NPAS3: variants seen among roughly 807,000 people sequenced by gnomAD.
NPAS3 encodes the protein neuronal PAS domain protein 3, also known as neuronal PAS domain-containing protein 3.
NPAS3 carries 14 observed loss-of-function variants against 73.1 expected under a neutral mutation model. That is an observed-to-expected ratio of 0.19 (90% CI 0.13 to 0.30). NPAS3 has a LOEUF of 0.30. Among genes scored for constraint, NPAS3 ranks in the 10% least tolerant of loss-of-function variants. The probability of loss-of-function intolerance (pLI) is 1.00; values close to 1 mark genes in which losing one functional copy is unlikely to be tolerated. For synonymous variants in NPAS3, 620 were observed against 541.5 expected (o/e 1.14, Z -2.01); for missense variants, 1,096 against 1,250.0 (o/e 0.88, Z 1.86).
intron 1 of NPAS3, among the ~76,000 whole-genome samples, chr14:33,009,006 G>A (rs1403484067): frequency 6.6e-6 from 1 of 152,136 alleles, no homozygotes; most frequent in Non-Finnish European, 1.5e-5. Flanking sequence ...GCATCATATT[G>A]TTTTAAAATG....
intron 4 of NPAS3, among the ~76,000 whole-genome samples, chr14:33,485,659 C>A (rs1462589518): frequency 6.6e-6 from 1 of 152,172 alleles, no homozygotes; most frequent in South Asian, 2.1e-4. Flanking sequence ...TACTCTTGAA[C>A]ATTAAAAATG....
chr14:33,353,754 G>C (rs756008392), intron 3 of NPAS3, among the ~76,000 whole-genome samples: 19 of 152,178 alleles, frequency 1.2e-4, no homozygotes, highest in Non-Finnish European at 2.1e-4. Flanking sequence ...GAAAACGAAG[G>C]TGAGACAGCT....
At chr14:33,134,585 G>A (rs2043765041) in intron 2 of NPAS3, among the ~76,000 whole-genome samples, 1 of 152,086 alleles carries the variant, frequency 6.6e-6, no homozygotes, top group Admixed American at 6.6e-5. Context: ...GCCACCAGGA[G>A]CTGTTTTAAA....
intron 9 of NPAS3, among the ~76,000 whole-genome samples, chr14:33,782,297 C>G (rs1293495758): frequency 6.6e-6 from 1 of 152,150 alleles, no homozygotes; most frequent in Non-Finnish European, 1.5e-5. Flanking sequence ...TCACAGCTTC[C>G]CACAGTTACA....
chr14:33,516,228 T>C (rs758978443), intron 4 of NPAS3, among the ~76,000 whole-genome samples: 8 of 152,150 alleles, frequency 5.3e-5, no homozygotes, highest in Non-Finnish European at 1.2e-4. Context: ...TGTTTTACTT[T>C]CCTCTGGTAC....
intron 6 of NPAS3, among the ~76,000 whole-genome samples, chr14:33,681,766 A>C (rs2059944357): frequency 6.6e-6 from 1 of 152,208 alleles, no homozygotes; most frequent in South Asian, 2.1e-4. Flanking sequence ...TTATACATAA[A>C]TAGGGCTCAA....
At chr14:33,653,499 C>G (rs1367126024) in intron 5 of NPAS3, among the ~76,000 whole-genome samples, 1 of 152,232 alleles carries the variant, frequency 6.6e-6, no homozygotes, top group East Asian at 1.9e-4. Flanking sequence ...TAAATTTTCC[C>G]CTGAATCCGC....
At chr14:33,531,317 T>C (rs140003704) in intron 4 of NPAS3, among the ~76,000 whole-genome samples, 3 of 152,240 alleles carry the variant, frequency 2.0e-5, no homozygotes, top group African/African-American at 7.2e-5. Flanking sequence ...TACAGAAAAG[T>C]GCCATAATTC....
At chr14:33,469,568 C>T (rs925298578) in intron 4 of NPAS3, among the ~76,000 whole-genome samples, 1 of 152,112 alleles carries the variant, frequency 6.6e-6, no homozygotes, top group African/African-American at 2.4e-5. Flanking sequence ...TGACCTCAGT[C>T]CTTAAAGTGT....
intron 7 of NPAS3, among the ~76,000 whole-genome samples, chr14:33,771,494 T>C (rs1284341604): frequency 3.3e-5 from 5 of 152,176 alleles, no homozygotes; most frequent in Non-Finnish European, 7.3e-5. Context: ...TTTTCAAAAG[T>C]TCATATACAG....
chr14:33,779,555 G>A (rs2062918620), intron 9 of NPAS3, among the ~76,000 whole-genome samples: 1 of 152,258 alleles, frequency 6.6e-6, no homozygotes, highest in Admixed American at 6.5e-5. Flanking sequence ...ATATGATGGT[G>A]GTCCCATGAG....
chr14:33,184,543 A>T (rs1013048470), intron 2 of NPAS3, among the ~76,000 whole-genome samples: 2 of 152,208 alleles, frequency 1.3e-5, no homozygotes, highest in African/African-American at 4.8e-5. Context: ...CTCTGATTAC[A>T]GTGAAGAGAA....
At chr14:33,419,079 G>C (rs2048268931) in intron 4 of NPAS3, among the ~76,000 whole-genome samples, 1 of 151,914 alleles carries the variant, frequency 6.6e-6, no homozygotes, top group Non-Finnish European at 1.5e-5. Context: ...GCACTACATT[G>C]TGCATTATAG....
At chr14:33,297,641 A>G (rs562543686) in intron 3 of NPAS3, among the ~76,000 whole-genome samples, 24 of 152,330 alleles carry the variant, frequency 1.6e-4, no homozygotes, top group African/African-American at 5.5e-4. Flanking sequence ...CAAACAGACT[A>G]AAATAAATAT....
intron 4 of NPAS3, among the ~76,000 whole-genome samples, chr14:33,454,696 CAG>C (rs1378178836): frequency 2.0e-5 from 3 of 152,164 alleles, no homozygotes; most frequent in African/African-American, 7.2e-5. Context: ...AGTTTCACCA[CAG>C]GGGATTCGGG....
At chr14:33,399,974 A>C (rs1177581583) in intron 4 of NPAS3, among the ~76,000 whole-genome samples, 1 of 152,086 alleles carries the variant, frequency 6.6e-6, no homozygotes, top group African/African-American at 2.4e-5. Context: ...CAGACACATA[A>C]TCAATGCACT....
chr14:32,980,840 A>T (rs988889733), intron 1 of NPAS3, among the ~76,000 whole-genome samples: 10 of 152,306 alleles, frequency 6.6e-5, no homozygotes, highest in African/African-American at 2.4e-4. Context: ...AAATAAACTG[A>T]TACTCTGTCT....
At chr14:33,625,321 C>G (rs551485286) in intron 5 of NPAS3, among the ~76,000 whole-genome samples, 1 of 152,330 alleles carries the variant, frequency 6.6e-6, no homozygotes, top group South Asian at 2.1e-4. Flanking sequence ...ATAACAGAGA[C>G]CACTTTTCCA....
At chr14:33,000,663 A>G (rs1446748072) in intron 1 of NPAS3, among the ~76,000 whole-genome samples, 2 of 152,248 alleles carry the variant, frequency 1.3e-5, no homozygotes, top group African/African-American at 4.8e-5. Flanking sequence ...TGGAACAAAT[A>G]TAAATGGAGA....
Sources: gnomAD v4.1 joint callset for allele counts (sites outside exome capture counted in the v4.1 genomes callset) on GRCh38, gnomAD v4.1.1 for gene constraint, MANE v1.5 for transcripts, NCBI Gene and HGNC (gene_info 2026-07-23, HGNC 2026-07-21) for gene names.